The following CADPS2 variants were observed in gnomAD, a reference collection of about 807,000 sequenced individuals.
CADPS2 encodes the protein calcium-dependent secretion activator 2.
In CADPS2, 93 loss-of-function variants were observed where a neutral mutation model predicts 172.5. The ratio of observed to expected loss-of-function variants is 0.54; its 90% CI spans 0.46 to 0.64. The LOEUF (loss-of-function observed/expected upper bound fraction) is 0.64, where lower values mean the gene tolerates loss of function less well. Among genes scored for constraint, CADPS2 ranks in the 30% least tolerant of loss-of-function variants. The pLI is 0.00. For missense variants in CADPS2, 1,420 were observed against 1,565.9 expected (o/e 0.91, Z 1.57); for synonymous variants, 546 against 555.2 (o/e 0.98, Z 0.23).
intron 3 of CADPS2, among the ~76,000 whole-genome samples, chr7:122,639,699 C>A (rs1051101141): frequency 6.6e-6 from 1 of 152,142 alleles, no homozygotes; most frequent in Non-Finnish European, 1.5e-5. Context: ...TAATGATGTG[C>A]CCCATTTTAC....
At chr7:122,724,552 G>A (rs888685244) in intron 2 of CADPS2, among the ~76,000 whole-genome samples, 4 of 151,990 alleles carry the variant, frequency 2.6e-5, no homozygotes, top group African/African-American at 7.2e-5. Context: ...TTTAGCTAAG[G>A]CAGTGTACTT....
At chr7:122,732,653 AT>A (rs1217158270) in intron 2 of CADPS2, among the ~76,000 whole-genome samples, 15 of 145,538 alleles carry the variant, frequency 1.0e-4, no homozygotes, top group African/African-American at 3.0e-4. Flanking sequence ...TGTAATATAT[AT>A]TTGTGTATAA....
At chr7:122,834,360 C>T (rs753373553) in intron 1 of CADPS2, among the ~76,000 whole-genome samples, 1 of 152,178 alleles carries the variant, frequency 6.6e-6, no homozygotes, top group Non-Finnish European at 1.5e-5. Context: ...CAGCTCCCAG[C>T]GTGAGCGACA....
chr7:122,465,691 C>T (rs1048350841), intron 14 of CADPS2, among the ~76,000 whole-genome samples: 18 of 152,206 alleles, frequency 1.2e-4, no homozygotes, highest in Non-Finnish European at 2.2e-4. Context: ...TCTATGAAAC[C>T]GGTCGCTGGT....
chr7:122,722,442 A>G (rs1341145153), intron 2 of CADPS2, among the ~76,000 whole-genome samples: 1 of 151,596 alleles, frequency 6.6e-6, no homozygotes, highest in Non-Finnish European at 1.5e-5. Context: ...CCCATTCACA[A>G]TTGCTTCAAA....
chr7:122,706,886 CT>C (rs2087649898), intron 2 of CADPS2, among the ~76,000 whole-genome samples: 1 of 150,494 alleles, frequency 6.6e-6, no homozygotes, highest in Non-Finnish European at 1.5e-5. Context: ...CTCAATGTCT[CT>C]TTGGCTAGAA....
chr7:122,763,714 T>G (rs2093461960), intron 1 of CADPS2, among the ~76,000 whole-genome samples: 3 of 152,144 alleles, frequency 2.0e-5, no homozygotes, highest in Non-Finnish European at 4.4e-5. Context: ...TCTGGAGAAC[T>G]TTGATAATTC....
At chr7:122,872,334 C>T (rs1819978348) in intron 1 of CADPS2, among the ~76,000 whole-genome samples, 1 of 152,084 alleles carries the variant, frequency 6.6e-6, no homozygotes, top group Non-Finnish European at 1.5e-5. Context: ...TGGCCTCCCT[C>T]TCTGTCATTT....
intron 1 of CADPS2, among the ~76,000 whole-genome samples, chr7:122,825,402 A>G (rs566566930): frequency 1.5e-4 from 23 of 152,336 alleles, no homozygotes; most frequent in South Asian, 8.3e-4. Flanking sequence ...CAACTAAATG[A>G]AAAAGCATGG....
intron 8 of CADPS2, among the ~76,000 whole-genome samples, chr7:122,551,399 TAGG>T (rs2064269401): frequency 6.6e-6 from 1 of 152,030 alleles, no homozygotes; most frequent in African/African-American, 2.4e-5. Context: ...AGAATTCAAA[TAGG>T]TCTAAGAAAC....
chr7:122,528,110 AGTGGTGGTGGTG>A (rs71159802), intron 8 of CADPS2, among the ~76,000 whole-genome samples: 20,459 of 129,926 alleles, frequency 0.16, 1,931 homozygotes, highest in East Asian at 0.34. Flanking sequence ...TGAAGGCATT[AGTGGTGGTGGTG>A]GTGGTGGTGG....
chr7:122,831,068 G>T (rs1208008006), intron 1 of CADPS2, among the ~76,000 whole-genome samples: 1 of 152,156 alleles, frequency 6.6e-6, no homozygotes, highest in African/African-American at 2.4e-5. Context: ...GAAAGAGAAA[G>T]AGAAGTTTAG....
chr7:122,444,067 T>C (rs141946039), intron 15 of CADPS2, among the ~76,000 whole-genome samples: 1 of 152,184 alleles, frequency 6.6e-6, no homozygotes, highest in African/African-American at 2.4e-5. Context: ...AGAGGAAATG[T>C]ACAGTATTTA....
At chr7:122,404,009 T>C (rs1351759827) in intron 20 of CADPS2, among the ~76,000 whole-genome samples, 2 of 152,218 alleles carry the variant, frequency 1.3e-5, no homozygotes, top group African/African-American at 2.4e-5. Context: ...TTTTTTATTA[T>C]ACTTAAAGTT....
chr7:122,838,200 G>A (rs980540616), intron 1 of CADPS2, among the ~76,000 whole-genome samples: 4 of 152,158 alleles, frequency 2.6e-5, no homozygotes, highest in Non-Finnish European at 5.9e-5. Flanking sequence ...CTCAACAGAT[G>A]CAGAAAAGGC....
chr7:122,554,106 T>A (rs1296725685), intron 8 of CADPS2, among the ~76,000 whole-genome samples: 1 of 152,120 alleles, frequency 6.6e-6, no homozygotes, highest in African/African-American at 2.4e-5. Flanking sequence ...AACACTCATA[T>A]CCCTCTTGTT....
intron 27 of CADPS2, among the ~76,000 whole-genome samples, chr7:122,349,582 G>C (rs1015287252): frequency 6.6e-6 from 1 of 152,020 alleles, no homozygotes; most frequent in Non-Finnish European, 1.5e-5. Context: ...GAGCACAAAG[G>C]GATCAAGAAC....
At chr7:122,799,834 A>G (rs940560997) in intron 1 of CADPS2, among the ~76,000 whole-genome samples, 1 of 152,152 alleles carries the variant, frequency 6.6e-6, no homozygotes, top group Non-Finnish European at 1.5e-5. Context: ...TCAATGTCTC[A>G]TATTCATACT....
At chr7:122,598,491 G>C (rs1459856533) in intron 6 of CADPS2, among the ~76,000 whole-genome samples, 1 of 152,056 alleles carries the variant, frequency 6.6e-6, no homozygotes, top group South Asian at 2.1e-4. Context: ...TTTGTGAAGG[G>C]AGATTTGGGC....
Sources: allele counts gnomAD v4.1 joint callset (sites outside exome capture counted in the v4.1 genomes callset), GRCh38; gene constraint gnomAD v4.1.1; transcripts MANE v1.5; gene names NCBI Gene and HGNC (gene_info 2026-07-23, HGNC 2026-07-21).